MYH2: variants seen among roughly 807,000 people sequenced by gnomAD.
MYH2 encodes myosin heavy chain 2.
A neutral mutation model predicts 228.1 loss-of-function variants in MYH2; 139 were observed. The observed-to-expected ratio is 0.61, with a 90% CI of 0.53 to 0.70. MYH2 has a LOEUF of 0.70. Among genes scored for constraint, MYH2 ranks in the 30% least tolerant of loss-of-function variants. The pLI, the probability that MYH2 is intolerant of heterozygous loss-of-function variation, is 0.00. For synonymous variants in MYH2, 796 were observed against 871.1 expected (o/e 0.91, Z 1.52); for missense variants, 1,809 against 2,357.5 (o/e 0.77, Z 4.82).
At chr17:10,527,176 A>G (rs1241052383) in intron 28 of MYH2, 120 bp from the exon 29 acceptor site, 46 of 854,256 alleles carry the variant, frequency 5.4e-5, no homozygotes, top group Non-Finnish European at 7.5e-5. Flanking sequence ...GTTGAATTCT[A>G]TACTGACATC....
rs879088080 is a variant in MYH2 at position 10,523,634 on chromosome 17, C to T, written c.5334G>A (p.Glu1778=). The T allele has an allele frequency of 1.2e-6, 2 of 1,614,198 alleles. No individual in the cohort carries two copies. Among genetic ancestry groups the T allele is most frequent in the Non-Finnish European group, 1.7e-6 (2 of 1,180,044 alleles). ...AAMMAEELKK[E]QDTSAHLERM... ...GCTCCAGGTGGGCGCTGGTGTCCTGCTCCTTCTTCAGCTCCTCAGCCATCA... is the reference window on the plus strand; with the variant it reads ...GCTCCAGGTGGGCGCTGGTGTCCTGTTCCTTCTTCAGCTCCTCAGCCATCA... Residue 1778 remains glutamate, a synonymous_variant, in exon 37 of 40, where the codon GAG becomes GAA. Coordinates refer to ENST00000245503, the MANE Select transcript of MYH2 (RefSeq NM_017534.6).
At position 10,540,165 on chromosome 17, in the gene MYH2, C is replaced by T. The variant is rs1430227460; in HGVS notation, c.1009-99G>A. On this transcript the variant is annotated intron_variant, in intron 11 of 39. Transcript: ENST00000245503. ...TGCTGGCCTGAGGAAACTACCAGTG[C>T]TAATGGGAGACAAGGAACCCCTTAG... is the stretch of plus-strand genomic sequence containing the variant. 12 of 1,519,890 alleles carry T rather than the reference C, an allele frequency of 7.9e-6. No individual in the cohort carries two copies. The East Asian group carries it at 2.5e-4, about 31-fold the overall frequency. The allele number at this position is 1,519,890 out of a possible 1,614,324, so 94.2% of individuals were successfully genotyped here. A position where few individuals can be genotyped will look rare whatever the true frequency, so the allele number is the denominator to read the frequency against.
chr17:10,543,982 T>G lies in MYH2; in HGVS notation c.568A>C (p.Lys190Gln). The G allele has an allele frequency of 6.2e-7, 1 of 1,614,218 alleles. No individual in the cohort carries two copies. The highest frequency in any genetic ancestry group is 8.5e-7 in the Non-Finnish European group (1 of 1,180,038). The change falls in exon 7 of 40, where the codon AAG becomes CAG. Residue 190 changes from lysine to glutamine, a missense_variant. Physicochemically the swap from Lys to Gln is moderately conservative, Grantham distance 53. Around this residue, in one of 9 missense-constraint regions of MYH2, gnomAD observed 373 missense variants for 620.4 expected, o/e 0.60. Transcript: ENST00000245503. ...ESGAGKTVNTKRVIQYFATIA... is the reference protein window; with the variant it reads ...ESGAGKTVNTQRVIQYFATIA... ...GTTGCAAAGTACTGGATGACACGCT[T>G]GGTGTTCACAGTCTTCCCTGCACCA...
At chr17:10,538,010 T>C (rs2073503642) in intron 14 of MYH2, 175 bp from the exon 15 acceptor site, 2 of 1,221,458 alleles carry the variant, frequency 1.6e-6, no homozygotes, top group African/African-American at 3.1e-5. Flanking sequence ...TTTGAGGGCA[T>C]GTGGAAGCTA....
rs573897273 is a variant in MYH2, at chr17:10,537,917, T to G, written c.1417-82A>C. Reference sequence around the variant, plus strand: ...ACAGAACTTTTCCATTTTAAAAATATGTGTCCAAGAGCCTTTATATTACAG... The same window carrying G: ...ACAGAACTTTTCCATTTTAAAAATAGGTGTCCAAGAGCCTTTATATTACAG... On this transcript the variant is annotated intron_variant, in intron 14 of 39. Coordinates refer to ENST00000245503, the MANE Select transcript of MYH2 (RefSeq NM_017534.6). The surrounding 1 kb of genome is among the most constrained non-coding windows in gnomAD (Gnocchi z 4.0). 1 of 1,606,774 alleles carries G rather than the reference T, an allele frequency of 6.2e-7. No individual in the cohort carries two copies. Among genetic ancestry groups the G allele is most frequent in the Admixed American group, 1.7e-5 (1 of 59,750 alleles).
chr17:10,546,643 A>G (rs1350383358), intron 4 of MYH2, among the ~76,000 whole-genome samples: 1 of 151,996 alleles, frequency 6.6e-6, no homozygotes, highest in Non-Finnish European at 1.5e-5. Flanking sequence ...CAGAAAGGAA[A>G]GGACAGAACA....
chr17:10,529,295 A>C (rs780640469), intron 25 of MYH2, 41 bp downstream of exon 25: 1 of 1,614,052 alleles, frequency 6.2e-7, no homozygotes, highest in South Asian at 1.1e-5. Context: ...GTCCGTATCT[A>C]ATGTTGGAAG....
rs1302543268 is a variant in MYH2, at chr17:10,544,080, A to G, written c.533+20T>C. ...TAGCAGCTATCACAGCCATGTAAAG[A>G]AAGCATAAAATCTACTTACGTGATC... On this transcript the variant is annotated intron_variant, in intron 6 of 39. Transcript: ENST00000245503. 1 of 1,614,060 alleles carries G rather than the reference A, an allele frequency of 6.2e-7. No individual in the cohort carries two copies. Among genetic ancestry groups the G allele is most frequent in the African/African-American group, 1.3e-5 (1 of 74,938 alleles).
At chr17:10,539,419 C>A (rs2073523823) in intron 13 of MYH2, 25 bp downstream of exon 13, 3 of 1,614,002 alleles carry the variant, frequency 1.9e-6, no homozygotes, top group African/African-American at 1.3e-5. Context: ...TCATCCCTGG[C>A]AGTTAATTTG....
chr17:10,534,079 G>C (rs2073455452), intron 19 of MYH2, among the ~76,000 whole-genome samples: 1 of 152,180 alleles, frequency 6.6e-6, no homozygotes, highest in African/African-American at 2.4e-5. Flanking sequence ...TTGAGCCCTG[G>C]AATCCTCTGT....
chr17:10,545,014 A>AGT lies in MYH2; in HGVS notation c.505+330_505+331dup, dbSNP rs112057904. On this transcript the variant is annotated intron_variant, in intron 5 of 39. Coordinates refer to ENST00000245503, the MANE Select transcript of MYH2 (RefSeq NM_017534.6). The stretch of plus-strand genomic sequence containing the variant: ...TTGTATGTGTGATTGTGCGTGCATG[A>AGT]GTGTGTGTGTGTGTGTGTATATATA... 1.0e-2 allele frequency among the ~76,000 whole-genome samples: 1,505 copies of AGT among 150,520 alleles called. 20 individuals are homozygous for AGT. Among genetic ancestry groups the AGT allele is most frequent in the African/African-American group, 0.026 (1,067 of 40,936 alleles).
intron 5 of MYH2, among the ~76,000 whole-genome samples, chr17:10,545,014 A>AGTGTGTGTGTGTGTGT (rs112057904): frequency 7.0e-4 from 105 of 150,532 alleles, no homozygotes; most frequent in Middle Eastern, 3.4e-3. Context: ...TGCGTGCATG[A>AGTGTGTGTGTGTGTGT]GTGTGTGTGT....
rs1313498386 is a variant in MYH2, at chr17:10,525,568, C to T, written c.4420G>A (p.Glu1474Lys). The change falls in exon 32 of 40, where the codon GAG becomes AAG. Residue 1474 changes from glutamate (E) to lysine (K), a missense_variant. Coordinates refer to ENST00000245503, the MANE Select transcript of MYH2 (RefSeq NM_017534.6). This position sits in a 1 kb window ranked among gnomAD's most constrained non-coding sequence, Gnocchi z 4.2. The part of the protein sequence containing the change: ...QKCEETHAEL[E>K]ASQKEARSLG... ...GAACGGGCCTCCTTCTGGGAGGCCTCAAGCTCAGCATGCGTTTCCTCACAT... is the reference window on the plus strand; with the variant it reads ...GAACGGGCCTCCTTCTGGGAGGCCTTAAGCTCAGCATGCGTTTCCTCACAT... The T allele has an allele frequency of 6.2e-7, 1 of 1,614,060 alleles. No individual in the cohort carries two copies.
At position 10,523,584 on chromosome 17, in the gene MYH2, G is replaced by A; in HGVS notation, c.5384C>T (p.Thr1795Ile). 6.2e-7 allele frequency: 1 copy of A among 1,614,206 alleles called. No individual in the cohort carries two copies. The highest frequency in any genetic ancestry group is 2.2e-5 in the East Asian group (1 of 44,884). ...LERMKKNMEQTVKDLQLRLDE... is the reference protein window; with the variant it reads ...LERMKKNMEQIVKDLQLRLDE... ...CAGACGGAGCTGCAGATCCTTCACG[G>A]TCTGCTCCATGTTCTTCTTCATCCG... Residue 1795 changes from threonine to isoleucine, a missense_variant, in exon 37 of 40, where the codon ACC (threonine) becomes ATC (isoleucine). By Grantham distance (89) the Thr-to-Ile change is moderately conservative. Coordinates refer to ENST00000245503, the MANE Select transcript of MYH2 (RefSeq NM_017534.6).
At chr17:10,536,007 C>T (rs960607748) in intron 17 of MYH2, among the ~76,000 whole-genome samples, 1 of 152,126 alleles carries the variant, frequency 6.6e-6, no homozygotes, top group Non-Finnish European at 1.5e-5. Flanking sequence ...TTATGAATGG[C>T]AGAGTATTAT....
At position 10,525,580 on chromosome 17, in the gene MYH2, G is replaced by A. The variant is rs377046654; in HGVS notation, c.4408C>T (p.His1470Tyr). 6 of 1,614,192 alleles carry A rather than the reference G, an allele frequency of 3.7e-6. No homozygotes were observed. The highest frequency in any genetic ancestry group is 5.1e-6 in the Non-Finnish European group (6 of 1,180,044). Residue 1470 changes from histidine to tyrosine, a missense_variant, in exon 32 of 40, where the codon CAT becomes TAT. Around this residue, in one of 9 missense-constraint regions of MYH2, gnomAD observed 636 missense variants for 729.9 expected, o/e 0.87. Coordinates refer to ENST00000245503, the MANE Select transcript of MYH2 (RefSeq NM_017534.6). This position sits in a 1 kb window ranked among gnomAD's most constrained non-coding sequence, Gnocchi z 4.2. ...AEWKQKCEETHAELEASQKEA... is the reference protein window; with the variant it reads ...AEWKQKCEETYAELEASQKEA... ...TTCTGGGAGGCCTCAAGCTCAGCAT[G>A]CGTTTCCTCACATTTCTGTTTCCAT...
rs548511688 is a variant in MYH2 at position 10,541,277 on chromosome 17, C to A, written c.905-580G>T. Among the ~76,000 whole-genome samples the A allele has an allele frequency of 4.6e-5, 7 of 152,314 alleles. No homozygotes were observed. In the South Asian group the frequency reaches 6.2e-4, roughly 14 times the overall value. ...CAAATAGAAGAAATATCGCTGAATT[C>A]TTTTTCTCAGCAAGGAACAGCCCTG... On this transcript the variant is annotated intron_variant, in intron 10 of 39. Transcript: ENST00000245503.
Position 10,540,715 on chromosome 17 carries a change from A to T in MYH2, c.905-18T>A. 1.3e-6 allele frequency: 2 copies of T among 1,521,730 alleles called. No individual in the cohort carries two copies. The highest frequency in any genetic ancestry group is 2.3e-5 in the East Asian group (1 of 44,402). 94.3% of individuals were successfully genotyped at this position (1,521,730 alleles called of 1,614,324 possible). On this transcript the variant is annotated intron_variant, in intron 10 of 39. Coordinates refer to ENST00000245503, the MANE Select transcript of MYH2 (RefSeq NM_017534.6). ...AAGCATTTCTAAGTACAGGAAACAG[A>T]ACAAAGATAAACATAATTATCTTCT...
intron 2 of MYH2, 116 bp from the exon 3 acceptor site, chr17:10,548,056 G>A: frequency 1.2e-6 from 1 of 869,366 alleles, no homozygotes; most frequent in Non-Finnish European, 1.8e-6. Context: ...CAGGTCTACT[G>A]TTCACCATAC....
Sources: gnomAD v4.1 joint callset for allele counts (sites outside exome capture counted in the v4.1 genomes callset) on GRCh38, gnomAD v4.1.1 for gene constraint, gnomAD v4.1.1 regional missense constraint, Gnocchi (gnomAD v3.1) non-coding constraint, MANE v1.5 for transcripts, NCBI Gene and HGNC (gene_info 2026-07-23, HGNC 2026-07-21) for gene names.